CDK12: variants seen among roughly 807,000 people sequenced by gnomAD.
The protein encoded by CDK12 is cyclin-dependent kinase 12.
A neutral mutation model predicts 133.8 loss-of-function variants in CDK12; 17 were observed. The ratio of observed to expected loss-of-function variants is 0.13; its 90% CI spans 0.09 to 0.19. CDK12 has a LOEUF of 0.19. CDK12 is among the 10% of genes least tolerant of loss of function. The probability of loss-of-function intolerance (pLI) is 1.00; values close to 1 mark genes in which losing one functional copy is unlikely to be tolerated. For synonymous variants in CDK12, 694 were observed against 683.6 expected (o/e 1.02, Z -0.24); for missense variants, 1,508 against 1,818.7 (o/e 0.83, Z 3.11).
At chr17:39,470,116 G>C (rs539446593) in intron 1 of CDK12, among the ~76,000 whole-genome samples, 1 of 151,436 alleles carries the variant, frequency 6.6e-6, no homozygotes, top group Non-Finnish European at 1.5e-5. Flanking sequence ...ATGTTTTCAT[G>C]TAGGATTTAG....
In CDK12 at chr17:39,532,381, C is replaced by T. The variant is rs2054917951; in HGVS notation, c.*1065C>T. On this transcript the variant is annotated 3_prime_UTR_variant, in exon 14 of 14. Transcript: ENST00000447079. ...GGACAGCTTGGACATTGCTGCTGAG[C>T]TGTGGTTAGAGATGATGCCTCCATT... is the stretch of plus-strand genomic sequence containing the variant. 2 of 232,836 alleles carry T rather than the reference C, an allele frequency of 8.6e-6. No individual in the cohort carries two copies. The highest frequency in any genetic ancestry group is 1.7e-5 in the Non-Finnish European group (2 of 117,908). The allele number at this position is 232,836 out of a possible 1,614,324, so 14.4% of individuals were successfully genotyped here.
chr17:39,482,693 C>A (rs1448735120), intron 2 of CDK12, among the ~76,000 whole-genome samples: 1 of 141,530 alleles, frequency 7.1e-6, no homozygotes, highest in East Asian at 2.3e-4. Flanking sequence ...ACCTACGCCT[C>A]CCAGGTTCAA....
chr17:39,549,398 C>T (rs1025204454), upstream of CDK12: 5 of 152,242 alleles, frequency 3.3e-5, no homozygotes, highest in Non-Finnish European at 7.3e-5. Flanking sequence ...ATAAACAGGA[C>T]GGGTCCTTTC....
rs1340915590 is a variant in CDK12 at position 39,486,214 on chromosome 17, A to AG, written c.1932-4342dup. ...GTGATCCGCCCGCTTGGCCTCCCAA[A>AG]GTGCTGGGATTACAGACATGAGCCA... On this transcript the variant is annotated intron_variant, in intron 2 of 13. Transcript: ENST00000447079. Among the ~76,000 whole-genome samples the AG allele has an allele frequency of 4.7e-5, 7 of 149,346 alleles. 1 individual carries two copies. The highest frequency in any genetic ancestry group is 4.0e-4 in the Admixed American group (6 of 14,894).
chr17:39,538,905 A>ATAAG (rs1555582815), downstream of CDK12, among the ~76,000 whole-genome samples: 1 of 84,684 alleles, frequency 1.2e-5, no homozygotes, highest in East Asian at 4.5e-4. Context: ...TCTCAAATAA[A>ATAAG]TACATACATA....
intron 7 of CDK12, 67 bp from the exon 8 acceptor site, chr17:39,511,462 A>T (rs2053503149): frequency 1.0e-6 from 1 of 987,816 alleles, no homozygotes; most frequent in Non-Finnish European, 1.6e-6. Flanking sequence ...ATTTGCATTT[A>T]GTTATGTGAA....
intron 6 of CDK12, among the ~76,000 whole-genome samples, chr17:39,503,257 G>A (rs2052859059): frequency 6.6e-6 from 1 of 152,110 alleles, no homozygotes; most frequent in South Asian, 2.1e-4. Context: ...ATTTTTAGTA[G>A]AGACGGGATT....
intron 6 of CDK12, among the ~76,000 whole-genome samples, chr17:39,503,915 T>C (rs1254196047): frequency 6.6e-6 from 1 of 152,270 alleles, no homozygotes; most frequent in Non-Finnish European, 1.5e-5. Flanking sequence ...CAGTCAATCT[T>C]CTGTTTTGGA....
At chr17:39,489,079 A>ATT (rs765325046) in intron 2 of CDK12, among the ~76,000 whole-genome samples, 3 of 119,902 alleles carry the variant, frequency 2.5e-5, no homozygotes, top group Admixed American at 8.5e-5. Flanking sequence ...CACCCAGTTA[A>ATT]TTTTTTTTTT....
At position 39,531,523 on chromosome 17, in the gene CDK12, A is replaced by G; in HGVS notation, c.*207A>G. 2.3e-6 allele frequency: 1 copy of G among 428,718 alleles called. No homozygotes were observed. The highest frequency in any genetic ancestry group is 4.1e-6 in the Non-Finnish European group (1 of 245,592). The allele number at this position is 428,718 out of a possible 1,614,324, so 26.6% of individuals were successfully genotyped here. A position where few individuals can be genotyped will look rare whatever the true frequency, so the allele number is the denominator to read the frequency against. On this transcript the variant is annotated 3_prime_UTR_variant, in exon 14 of 14. Transcript: ENST00000447079. The stretch of plus-strand genomic sequence containing the variant: ...GGCACCAGTTCCCCCTGGATGGGCT[A>G]TAGCCAGAACATTTACTTCAACTCT...
chr17:39,466,302 C>T (rs1170179137), intron 1 of CDK12, among the ~76,000 whole-genome samples: 4 of 135,972 alleles, frequency 2.9e-5, no homozygotes, highest in Non-Finnish European at 4.6e-5. Context: ...AATGAGACTG[C>T]GTCTCAAAAA....
Position 39,462,014 on chromosome 17 carries a change from G to T in CDK12, c.-58G>T. On this transcript the variant is annotated 5_prime_UTR_variant, in exon 1 of 14. Transcript: ENST00000447079. The stretch of plus-strand genomic sequence containing the variant: ...AGTTGGGGTTGGGGGGGTGGGTGGG[G>T]GTTGCTTTTTGGAGTGCTGGGGAAC... 2.1e-6 allele frequency: 3 copies of T among 1,428,792 alleles called. No individual in the cohort carries two copies. The highest frequency in any genetic ancestry group is 2.9e-6 in the Non-Finnish European group (3 of 1,037,594). 88.5% of individuals were successfully genotyped at this position (1,428,792 alleles called of 1,614,324 possible).
chr17:39,521,647 T>C (rs1337805049), intron 11 of CDK12, among the ~76,000 whole-genome samples: 2 of 151,292 alleles, frequency 1.3e-5, no homozygotes, highest in Non-Finnish European at 3.0e-5. Context: ...GCAACCTCCA[T>C]CTCCTGGATT....
At chr17:39,510,501 G>A (rs191641954) in intron 7 of CDK12, among the ~76,000 whole-genome samples, 110 of 152,222 alleles carry the variant, frequency 7.2e-4, no homozygotes, top group African/African-American at 2.4e-3. Flanking sequence ...ATCTGAAAGC[G>A]TTATCACTTA....
rs377633993 is a variant in CDK12, at chr17:39,523,140, G to C, written c.3096-1534G>C. ...TTATGAATGCCTCTGTATTGTATTGGAGCTTCAGAGATTCATATCCCACAT... is the reference window on the plus strand; with the variant it reads ...TTATGAATGCCTCTGTATTGTATTGCAGCTTCAGAGATTCATATCCCACAT... On this transcript the variant is annotated intron_variant, in intron 11 of 13. Transcript: ENST00000447079. 1.2e-4 allele frequency among the ~76,000 whole-genome samples: 19 copies of C among 152,068 alleles called. No individual in the cohort carries two copies. The East Asian group carries it at 3.7e-3, about 29-fold the overall frequency.
chr17:39,494,744 C>A, intron 5 of CDK12, 50 bp downstream of exon 5: 2 of 1,265,302 alleles, frequency 1.6e-6, no homozygotes, highest in South Asian at 1.5e-5. Flanking sequence ...CCAATCTTTG[C>A]CTTTCTTTTT....
At chr17:39,496,660 C>CATTGCACTCCAGCCT (rs1354836674) in intron 5 of CDK12, among the ~76,000 whole-genome samples, 1 of 151,984 alleles carries the variant, frequency 6.6e-6, no homozygotes, top group African/African-American at 2.4e-5. Flanking sequence ...GAGATCACGC[C>CATTGCACTCCAGCCT]ATTGCACTCC....
intron 3 of CDK12, 42 bp downstream of exon 3, chr17:39,490,775 C>T: frequency 1.4e-6 from 2 of 1,463,540 alleles, no homozygotes; most frequent in South Asian, 1.3e-5. Context: ...TAGTTTTCTC[C>T]CTTCCTTTTG....
chr17:39,503,070 C>T (rs879136744), intron 6 of CDK12, among the ~76,000 whole-genome samples: 3 of 152,132 alleles, frequency 2.0e-5, no homozygotes, highest in African/African-American at 7.2e-5. Flanking sequence ...CAGAGCAAGA[C>T]TCCATCTCAA....
Sources: gnomAD v4.1 joint callset for allele counts (sites outside exome capture counted in the v4.1 genomes callset) on GRCh38, gnomAD v4.1.1 for gene constraint, MANE v1.5 for transcripts, NCBI Gene and HGNC (gene_info 2026-07-23, HGNC 2026-07-21) for gene names.